The following DERA variants were observed in gnomAD, a reference collection of about 807,000 sequenced individuals.
The protein encoded by DERA is deoxyribose-phosphate aldolase, also known as 2-deoxy-D-ribose 5-phosphate aldolase.
A neutral mutation model predicts 41.1 loss-of-function variants in DERA; 15 were observed. That is an observed-to-expected ratio of 0.37 (90% CI 0.24 to 0.56). The LOEUF (loss-of-function observed/expected upper bound fraction) is 0.56, where lower values mean the gene tolerates loss of function less well. Ranked by LOEUF, DERA falls within the 20% of genes least tolerant of loss-of-function variation. DERA has a pLI of 0.81. For synonymous variants in DERA, 139 were observed against 137.4 expected (o/e 1.01, Z -0.08); for missense variants, 396 against 403.4 (o/e 0.98, Z 0.16).
intron 5 of DERA, among the ~76,000 whole-genome samples, chr12:15,977,120 T>C (rs138014935): frequency 2.0e-5 from 3 of 152,186 alleles, no homozygotes; most frequent in Non-Finnish European, 4.4e-5. Flanking sequence ...TTATGCAGCT[T>C]TTTTCCCCTA....
rs1948329097 is a variant in DERA, at chr12:15,931,667, T to G, written c.31+20253T>G. On this transcript the variant is annotated intron_variant, in intron 1 of 8. Transcript: ENST00000428559. This position sits in a 1 kb window ranked among gnomAD's most constrained non-coding sequence, Gnocchi z 4.6. Reference sequence around the variant, plus strand: ...TCTACACTAAAGCTGATGTTCAAATTTGATCCTCAGTGTGGCAGTGTTGGG... The same window carrying G: ...TCTACACTAAAGCTGATGTTCAAATGTGATCCTCAGTGTGGCAGTGTTGGG... Among the ~76,000 whole-genome samples, 1 of 152,188 alleles carries G rather than the reference T, an allele frequency of 6.6e-6. No individual in the cohort carries two copies.
chr12:15,953,013 G>T (rs1398227491), intron 1 of DERA, among the ~76,000 whole-genome samples: 1 of 152,156 alleles, frequency 6.6e-6, no homozygotes, highest in East Asian at 1.9e-4. Context: ...TGCCTTGTAG[G>T]ATACTGAGCA....
At chr12:16,002,291 A>G (rs1948881172) in intron 6 of DERA, among the ~76,000 whole-genome samples, 1 of 152,130 alleles carries the variant, frequency 6.6e-6, no homozygotes, top group Non-Finnish European at 1.5e-5. Context: ...ATTGTTTGCT[A>G]GAGAAATTAC....
In DERA at chr12:16,000,853, T is replaced by G. The variant is rs914364235; in HGVS notation, c.637+18417T>G. ...ATAGTTGCATCCATCAGATGTTGAG[T>G]TTTTTTTTACTAGGATTGTAGAGTA... On this transcript the variant is annotated intron_variant, in intron 6 of 8. Transcript: ENST00000428559. The surrounding 1 kb of genome is among the most constrained non-coding windows in gnomAD (Gnocchi z 4.8). Among the ~76,000 whole-genome samples, 2 of 125,372 alleles carry G rather than the reference T, an allele frequency of 1.6e-5. No individual in the cohort carries two copies. Among genetic ancestry groups the G allele is most frequent in the Admixed American group, 2.2e-4 (2 of 8,902 alleles). 82.2% of individuals were successfully genotyped at this position (125,372 alleles called of 152,430 possible).
At chr12:16,029,764 T>C (rs1159106853) in intron 6 of DERA, among the ~76,000 whole-genome samples, 2 of 152,060 alleles carry the variant, frequency 1.3e-5, no homozygotes, top group Admixed American at 6.6e-5. Flanking sequence ...GCTGCCATAG[T>C]AGATCTTCTG....
In DERA at chr12:15,984,615, A is replaced by G. The variant is rs113781410; in HGVS notation, c.637+2179A>G. ...GTCACAAAGCTAATAAATAACCTGT[A>G]TCACTATTTGAACACTCTGGTCTTC... On this transcript the variant is annotated intron_variant, in intron 6 of 8. Transcript: ENST00000428559. The surrounding 1 kb of genome is among the most constrained non-coding windows in gnomAD (Gnocchi z 4.5). 5.9e-5 allele frequency among the ~76,000 whole-genome samples: 9 copies of G among 152,274 alleles called. No individual in the cohort carries two copies. Among genetic ancestry groups the G allele is most frequent in the African/African-American group, 2.2e-4 (9 of 41,562 alleles).
chr12:16,034,670 G>A (rs2136191122), intron 7 of DERA, among the ~76,000 whole-genome samples: 1 of 152,152 alleles, frequency 6.6e-6, no homozygotes, highest in South Asian at 2.1e-4. Flanking sequence ...CTAGCTTCCA[G>A]ACCATGATTA....
chr12:16,025,025 G>A (rs1305934810), intron 6 of DERA, among the ~76,000 whole-genome samples: 1 of 151,986 alleles, frequency 6.6e-6, no homozygotes, highest in African/African-American at 2.4e-5. Context: ...AGTTAAAAAT[G>A]TATATTGAAA....
At chr12:16,015,293 C>T (rs1948973565) in intron 6 of DERA, among the ~76,000 whole-genome samples, 1 of 152,130 alleles carries the variant, frequency 6.6e-6, no homozygotes, top group South Asian at 2.1e-4. Context: ...GAATTGTAAT[C>T]CCCATAATTC....
In DERA at chr12:15,983,561, C is replaced by T. The variant is rs1478321291; in HGVS notation, c.637+1125C>T. 6.6e-6 allele frequency among the ~76,000 whole-genome samples: 1 copy of T among 152,232 alleles called. No homozygotes were observed. Among genetic ancestry groups the T allele is most frequent in the African/African-American group, 2.4e-5 (1 of 41,462 alleles). On this transcript the variant is annotated intron_variant, in intron 6 of 8. Coordinates refer to ENST00000428559, the MANE Select transcript of DERA (RefSeq NM_015954.4). This position sits in a 1 kb window ranked among gnomAD's most constrained non-coding sequence, Gnocchi z 6.2. Reference sequence around the variant, plus strand: ...CCTGCTGTTTGGCCCATTATCTCCTCTGTGTGTCCCCACGGCATTCAAGTA... The same window carrying T: ...CCTGCTGTTTGGCCCATTATCTCCTTTGTGTGTCCCCACGGCATTCAAGTA...
intron 5 of DERA, among the ~76,000 whole-genome samples, chr12:15,974,038 G>A (rs1269908143): frequency 1.3e-5 from 2 of 151,630 alleles, no homozygotes; most frequent in African/African-American, 4.8e-5. Context: ...TCCTTTTTTT[G>A]ACTTATTTCC....
rs1451837798 is a variant in DERA at position 15,940,459 on chromosome 12, C to T, written c.32-16477C>T. On this transcript the variant is annotated intron_variant, in intron 1 of 8. Transcript: ENST00000428559. This position sits in a 1 kb window ranked among gnomAD's most constrained non-coding sequence, Gnocchi z 5.1. ...CTCCACCTCCCGGGTTCAAACGATT[C>T]TTCTGCCTCAGCCTCTCGAGTAGCT... 1.3e-5 allele frequency among the ~76,000 whole-genome samples: 2 copies of T among 152,140 alleles called. No homozygotes were observed. Among genetic ancestry groups the T allele is most frequent in the Admixed American group, 1.3e-4 (2 of 15,278 alleles).
chr12:15,981,327 G>T lies in DERA; in HGVS notation c.509-981G>T, dbSNP rs1048229485. On this transcript the variant is annotated intron_variant, in intron 5 of 8. Transcript: ENST00000428559. This position sits in a 1 kb window ranked among gnomAD's most constrained non-coding sequence, Gnocchi z 6.1. ...CACGCCACTGCACTCCAGCCTGGGT[G>T]ACAGAGCAAGACTCCATCTCAAAAA... 6.6e-6 allele frequency among the ~76,000 whole-genome samples: 1 copy of T among 152,054 alleles called. No homozygotes were observed. Among genetic ancestry groups the T allele is most frequent in the African/African-American group, 2.4e-5 (1 of 41,398 alleles).
rs1948743153 is a variant in DERA at position 15,983,061 on chromosome 12, A to G, written c.637+625A>G. Among the ~76,000 whole-genome samples, 1 of 152,114 alleles carries G rather than the reference A, an allele frequency of 6.6e-6. No homozygotes were observed. The highest frequency in any genetic ancestry group is 2.1e-4 in the South Asian group (1 of 4,816). Reference sequence around the variant, plus strand: ...TCTAGACCTCTTTGCTGTGTCTGACACATCTTCCCTCCATTCTAAGTGCTG... The same window carrying G: ...TCTAGACCTCTTTGCTGTGTCTGACGCATCTTCCCTCCATTCTAAGTGCTG... On this transcript the variant is annotated intron_variant, in intron 6 of 8. Coordinates refer to ENST00000428559, the MANE Select transcript of DERA (RefSeq NM_015954.4). The surrounding 1 kb of genome is among the most constrained non-coding windows in gnomAD (Gnocchi z 6.2).
In DERA at chr12:15,924,286, G is replaced by A. The variant is rs1948266221; in HGVS notation, c.31+12872G>A. On this transcript the variant is annotated intron_variant, in intron 1 of 8. Coordinates refer to ENST00000428559, the MANE Select transcript of DERA (RefSeq NM_015954.4). This position sits in a 1 kb window ranked among gnomAD's most constrained non-coding sequence, Gnocchi z 5.0. Reference sequence around the variant, plus strand: ...AAAGTTTCAAAATTAGCTGGGTGTGGTGGTATGCCGCTATGGTCACAGCTA... The same window carrying A: ...AAAGTTTCAAAATTAGCTGGGTGTGATGGTATGCCGCTATGGTCACAGCTA... Among the ~76,000 whole-genome samples, 1 of 152,156 alleles carries A rather than the reference G, an allele frequency of 6.6e-6. No homozygotes were observed. The highest frequency in any genetic ancestry group is 2.4e-5 in the African/African-American group (1 of 41,418).
rs1450099792 is a variant in DERA, at chr12:16,035,266, T to C, written c.751-966T>C. On this transcript the variant is annotated intron_variant, in intron 7 of 8. Transcript: ENST00000428559. The surrounding 1 kb of genome is among the most constrained non-coding windows in gnomAD (Gnocchi z 4.1). Reference sequence around the variant, plus strand: ...TAAGGTTTCCTGCTTGGGTTGATAATAGAATATATTCATTTAATGTCTCCC... The same window carrying C: ...TAAGGTTTCCTGCTTGGGTTGATAACAGAATATATTCATTTAATGTCTCCC... Among the ~76,000 whole-genome samples, 1 of 152,118 alleles carries C rather than the reference T, an allele frequency of 6.6e-6. No homozygotes were observed. The highest frequency in any genetic ancestry group is 6.6e-5 in the Admixed American group (1 of 15,264).
In DERA at chr12:15,982,565, A is replaced by G. The variant is rs115980489; in HGVS notation, c.637+129A>G. 4.3e-3 allele frequency: 4,229 copies of G among 979,288 alleles called. 135 individuals are homozygous for G. The African/African-American group carries it at 0.063, about 15-fold the overall frequency. The allele number at this position is 979,288 out of a possible 1,614,324, so 60.7% of individuals were successfully genotyped here. On this transcript the variant is annotated intron_variant, in intron 6 of 8. Coordinates refer to ENST00000428559, the MANE Select transcript of DERA (RefSeq NM_015954.4). This position sits in a 1 kb window ranked among gnomAD's most constrained non-coding sequence, Gnocchi z 4.0. ...GGAATTTTTTTGCGGGAGGAATCGGATATTTTGTAAAAACATGTTCAATGT... is the reference window on the plus strand; with the variant it reads ...GGAATTTTTTTGCGGGAGGAATCGGGTATTTTGTAAAAACATGTTCAATGT...
rs950925190 is a variant in DERA, at chr12:15,957,342, C to G, written c.129+309C>G. On this transcript the variant is annotated intron_variant, in intron 2 of 8. Coordinates refer to ENST00000428559, the MANE Select transcript of DERA (RefSeq NM_015954.4). This position sits in a 1 kb window ranked among gnomAD's most constrained non-coding sequence, Gnocchi z 4.8. ...TTATTCAGTTTTTTAGACATGCCTT[C>G]TTTGGTTGTCTTCTGTTTTAATTTT... Among the ~76,000 whole-genome samples the G allele has an allele frequency of 9.8e-5, 15 of 152,314 alleles. No individual in the cohort carries two copies. The highest frequency in any genetic ancestry group is 3.6e-4 in the African/African-American group (15 of 41,576).
chr12:16,028,609 C>G (rs761283128), intron 6 of DERA, among the ~76,000 whole-genome samples: 19 of 151,944 alleles, frequency 1.3e-4, no homozygotes, highest in Admixed American at 1.3e-4. Context: ...GTGGAGAAAC[C>G]GAGCCAACAC....
Sources: gnomAD v4.1 joint callset for allele counts (sites outside exome capture counted in the v4.1 genomes callset) on GRCh38, gnomAD v4.1.1 for gene constraint, Gnocchi (gnomAD v3.1) non-coding constraint, MANE v1.5 for transcripts, NCBI Gene and HGNC (gene_info 2026-07-23, HGNC 2026-07-21) for gene names.